Variants in MYLK observed in about 807,000 individuals in gnomAD.
MYLK encodes the protein myosin light chain kinase, smooth muscle.
A neutral mutation model predicts 203.4 loss-of-function variants in MYLK; 106 were observed. The observed-to-expected ratio is 0.52, with a 90% CI of 0.45 to 0.61. The LOEUF (loss-of-function observed/expected upper bound fraction) is 0.61. MYLK is among the 20% of genes least tolerant of loss of function. The pLI is 0.00. For synonymous variants in MYLK, 867 were observed against 959.5 expected, an observed-to-expected ratio of 0.90 and a Z score of 1.78; for missense variants, 2,072 against 2,442.3, an observed-to-expected ratio of 0.85 and a Z score of 3.20.
intron 29 of MYLK, among the ~76,000 whole-genome samples, chr3:123,636,167 T>G (rs2058635317): frequency 6.6e-6 from 1 of 152,166 alleles, no homozygotes; most frequent in Admixed American, 6.5e-5. Flanking sequence ...CACTGACCAG[T>G]AGAGAGACCA....
intron 4 of MYLK, among the ~76,000 whole-genome samples, chr3:123,754,089 T>A (rs1284286379): frequency 6.6e-6 from 1 of 152,248 alleles, no homozygotes; most frequent in Non-Finnish European, 1.5e-5. Context: ...AGGAAAGAGC[T>A]ATGCTAAAAA....
intron 5 of MYLK, among the ~76,000 whole-genome samples, chr3:123,747,361 C>A (rs991470868): frequency 6.6e-6 from 1 of 151,918 alleles, no homozygotes; most frequent in Non-Finnish European, 1.5e-5. Flanking sequence ...TAGTTTCATG[C>A]GGGTGTGGAT....
chr3:123,733,790 T>A lies in MYLK; in HGVS notation c.1206A>T (p.Arg402Ser), dbSNP rs908614111. 2 of 1,614,198 alleles carry A rather than the reference T, an allele frequency of 1.2e-6. No homozygotes were observed. Among genetic ancestry groups the A allele is most frequent in the African/African-American group, 2.7e-5 (2 of 75,064 alleles). ...QDVVSKAANR[R>S]IPMEGQRDSA... ...AATCCCTCTGGCCCTCCATGGGGAT[T>A]CTCCTGTTAGCAGCCTTGCTCACAA... Residue 402 changes from arginine (R) to serine (S), a missense_variant, in exon 10 of 34, where the codon AGA becomes AGT. Arg to Ser is a moderately radical substitution (Grantham distance 110). This residue lies in a region of MYLK where 683 missense variants were observed against 643.8 expected (regional missense o/e 1.06). Coordinates refer to ENST00000360304, the MANE Select transcript of MYLK (RefSeq NM_053025.4).
At chr3:123,705,772 G>C (rs919228995) in intron 16 of MYLK, among the ~76,000 whole-genome samples, 11 of 152,032 alleles carry the variant, frequency 7.2e-5, no homozygotes, top group African/African-American at 2.7e-4. Context: ...CAACAGCTAA[G>C]CCTTATCACA....
intron 16 of MYLK, among the ~76,000 whole-genome samples, chr3:123,706,046 T>A (rs1026357245): frequency 1.3e-5 from 2 of 152,140 alleles, no homozygotes; most frequent in African/African-American, 4.8e-5. Context: ...AGGCAGTTGA[T>A]GCATTCTGAG....
At position 123,801,044 on chromosome 3, in the gene MYLK, A is replaced by G. The variant is rs1160299871; in HGVS notation, c.-3-7200T>C. ...TTAAGAGAAAAATATATTTTCTAAG[A>G]CAAAAAAGAATTTAATGAGAAGAGT... On this transcript the variant is annotated intron_variant, in intron 3 of 33. Coordinates refer to ENST00000360304, the MANE Select transcript of MYLK (RefSeq NM_053025.4). Among the ~76,000 whole-genome samples the G allele has an allele frequency of 2.0e-5, 3 of 152,372 alleles. No homozygotes were observed. The East Asian group carries it at 5.8e-4, about 29-fold the overall frequency.
chr3:123,786,013 A>G (rs2064501549), intron 4 of MYLK, among the ~76,000 whole-genome samples: 1 of 152,282 alleles, frequency 6.6e-6, no homozygotes, highest in African/African-American at 2.4e-5. Context: ...AAAAACTGAT[A>G]AAGAGTAGGC....
intron 2 of MYLK, among the ~76,000 whole-genome samples, chr3:123,863,368 C>CAAAAAAAA (rs35039876): frequency 3.3e-5 from 1 of 29,898 alleles, no homozygotes; most frequent in Non-Finnish European, 7.9e-5. Flanking sequence ...ATAGCCTTGC[C>CAAAAAAAA]AAAAAAAAAA....
chr3:123,666,383 G>A (rs754395705), intron 21 of MYLK, 37 bp from the exon 22 acceptor site: 4 of 1,613,906 alleles, frequency 2.5e-6, no homozygotes, highest in Admixed American at 1.7e-5. Flanking sequence ...CGAGGCAGAA[G>A]GGTCTCAGGC....
At chr3:123,846,776 T>C (rs979648600) in intron 2 of MYLK, among the ~76,000 whole-genome samples, 1 of 152,176 alleles carries the variant, frequency 6.6e-6, no homozygotes, top group African/African-American at 2.4e-5. Context: ...CTCCATTTAT[T>C]AAGGATCTCT....
Position 123,638,185 on chromosome 3 carries a change from C to T in MYLK, c.4847G>A (p.Gly1616Glu). 6.2e-7 allele frequency: 1 copy of T among 1,613,822 alleles called. No homozygotes were observed. The stretch of plus-strand genomic sequence containing the variant: ...GGTGCCAAAGAGGACCTTCAGAGAC[C>T]CCGCATTCTCTGAAACCAGGATGGA... ...FGLARRLENA[G>E]SLKVLFGTPE... The change falls in exon 29 of 34, where the codon GGG becomes GAG. Residue 1616 changes from glycine to glutamate, a missense_variant. Gly to Glu is a moderately conservative substitution (Grantham distance 98). Transcript: ENST00000360304.
intron 3 of MYLK, among the ~76,000 whole-genome samples, chr3:123,821,315 G>A (rs1050702658): frequency 6.6e-6 from 1 of 152,044 alleles, no homozygotes; most frequent in African/African-American, 2.4e-5. Flanking sequence ...CTCAACATCT[G>A]GTCATAAGTT....
intron 5 of MYLK, among the ~76,000 whole-genome samples, chr3:123,741,851 G>A (rs2062865629): frequency 6.6e-6 from 1 of 152,164 alleles, no homozygotes; most frequent in African/African-American, 2.4e-5. Flanking sequence ...GCAGGTACAT[G>A]TTAGGATATT....
At chr3:123,860,006 T>C (rs1299908873) in intron 2 of MYLK, among the ~76,000 whole-genome samples, 1 of 150,806 alleles carries the variant, frequency 6.6e-6, no homozygotes, top group Non-Finnish European at 1.5e-5. Context: ...GAAAAAGGCA[T>C]GATTCTAAAC....
intron 24 of MYLK, among the ~76,000 whole-genome samples, chr3:123,656,712 A>G (rs2059398619): frequency 6.6e-6 from 1 of 152,076 alleles, no homozygotes. Context: ...AGTTAGCCAT[A>G]CACACCTCTC....
chr3:123,715,916 T>C lies in MYLK; in HGVS notation c.1805-6023A>G, dbSNP rs2061875499. The C allele has an allele frequency of 3.9e-5, 6 of 152,366 alleles. No individual in the cohort carries two copies. In the South Asian group the frequency reaches 1.2e-3, roughly 32 times the overall value. The allele number at this position is 152,366 out of a possible 1,614,324, so 9.4% of individuals were successfully genotyped here. A position where few individuals can be genotyped will look rare whatever the true frequency, so the allele number is the denominator to read the frequency against. ...CCAAGGTCCTGGATCCAAATTTGCA[T>C]TCAACACATGTTTGCCTTAATCTTG... On this transcript the variant is annotated intron_variant, in intron 13 of 33. Coordinates refer to ENST00000360304, the MANE Select transcript of MYLK (RefSeq NM_053025.4).
At position 123,614,288 on chromosome 3, in the gene MYLK, G is replaced by A. The variant is rs199880151; in HGVS notation, c.5562C>T (p.His1854=). 74 of 1,614,064 alleles carry A rather than the reference G, an allele frequency of 4.6e-5. No homozygotes were observed. The highest frequency in any genetic ancestry group is 6.0e-5 in the Non-Finnish European group (71 of 1,180,042). ...KDDQSIRESR[H]FQIDYDEDGN... The stretch of plus-strand genomic sequence containing the variant: ...CGTCCTCATCGTAGTCTATCTGGAA[G>A]TGGCGGGACTCCCTGATTGACTGGT... The change falls in exon 34 of 34, where the codon CAC becomes CAT. Residue 1854 remains histidine (H), a synonymous_variant. Coordinates refer to ENST00000360304, the MANE Select transcript of MYLK (RefSeq NM_053025.4).
At chr3:123,767,033 A>G (rs923425979) in intron 4 of MYLK, among the ~76,000 whole-genome samples, 6 of 152,242 alleles carry the variant, frequency 3.9e-5, no homozygotes, top group Non-Finnish European at 7.3e-5. Flanking sequence ...TCTCTTTTCT[A>G]AAGAAGCATC....
chr3:123,650,004 C>T (rs2059154238), intron 24 of MYLK, among the ~76,000 whole-genome samples: 1 of 152,214 alleles, frequency 6.6e-6, no homozygotes, highest in African/African-American at 2.4e-5. Flanking sequence ...ATGCCAGCTG[C>T]TCCCATGGCC....
Sources: allele counts gnomAD v4.1 joint callset (sites outside exome capture counted in the v4.1 genomes callset), GRCh38; gene constraint gnomAD v4.1.1; regional missense constraint gnomAD v4.1.1; transcripts MANE v1.5; gene names NCBI Gene and HGNC (gene_info 2026-07-23, HGNC 2026-07-21).